The following VGLL4 variants were observed in gnomAD, a reference collection of about 807,000 sequenced individuals.
VGLL4 encodes transcription cofactor vestigial-like protein 4.
A neutral mutation model predicts 21.0 loss-of-function variants in VGLL4; 7 were observed. The observed-to-expected ratio is 0.33, with a 90% CI of 0.19 to 0.63. The LOEUF (loss-of-function observed/expected upper bound fraction) is 0.63, where lower values mean the gene tolerates loss of function less well. VGLL4 is among the 20% of genes least tolerant of loss of function. The pLI, the probability that VGLL4 is intolerant of heterozygous loss-of-function variation, is 0.78. For synonymous variants in VGLL4, 222 were observed against 173.2 expected, an observed-to-expected ratio of 1.28 and a Z score of -2.21; for missense variants, 394 against 425.7, an observed-to-expected ratio of 0.93 and a Z score of 0.66.
chr3:11,692,706 A>G (rs1156418331), intron 2 of VGLL4, among the ~76,000 whole-genome samples: 1 of 149,608 alleles, frequency 6.7e-6, no homozygotes, highest in African/African-American at 2.5e-5. Context: ...CCAAAGGAGG[A>G]AGGAAGACAG....
At chr3:11,706,397 G>A (rs1380131460) in intron 1 of VGLL4, among the ~76,000 whole-genome samples, 1 of 152,194 alleles carries the variant, frequency 6.6e-6, no homozygotes, top group Non-Finnish European at 1.5e-5. Flanking sequence ...ACAGAAGATA[G>A]ATCTCTGCTT....
chr3:11,676,518 T>C (rs2076295112), intron 2 of VGLL4, among the ~76,000 whole-genome samples: 2 of 151,802 alleles, frequency 1.3e-5, no homozygotes. Flanking sequence ...TGAAGTATAA[T>C]ATTTCATCTA....
At chr3:11,628,799 G>C (rs542297568) in intron 1 of VGLL4, among the ~76,000 whole-genome samples, 87 of 152,194 alleles carry the variant, frequency 5.7e-4, no homozygotes, top group Non-Finnish European at 9.6e-4. Context: ...CAGCCTGAGT[G>C]ACAGAGCGAG....
At chr3:11,594,874 G>C (rs555949795) in intron 2 of VGLL4, among the ~76,000 whole-genome samples, 2 of 152,286 alleles carry the variant, frequency 1.3e-5, no homozygotes, top group Middle Eastern at 3.4e-3. Flanking sequence ...TGAAAAACAC[G>C]AAGGCGGCCA....
chr3:11,598,462 T>G (rs962204306), intron 2 of VGLL4, among the ~76,000 whole-genome samples: 16 of 150,140 alleles, frequency 1.1e-4, no homozygotes, highest in African/African-American at 3.7e-4. Context: ...CTACCGAAAC[T>G]ATTTTTTCTT....
intron 2 of VGLL4, among the ~76,000 whole-genome samples, chr3:11,649,963 A>G (rs1376008991): frequency 6.6e-6 from 1 of 151,570 alleles, no homozygotes; most frequent in Non-Finnish European, 1.5e-5. Flanking sequence ...TTTTTGAAAC[A>G]GGGTCTCCCT....
intron 1 of VGLL4, among the ~76,000 whole-genome samples, chr3:11,631,467 G>A (rs1406442746): frequency 2.0e-5 from 3 of 151,962 alleles, no homozygotes; most frequent in African/African-American, 4.8e-5. Flanking sequence ...ACAAAAATAA[G>A]GTTTGATAAG....
In VGLL4 at chr3:11,660,335, T is replaced by C. The variant is rs370942346; in HGVS notation, c.64+42636A>G. 2.2e-4 allele frequency among the ~76,000 whole-genome samples: 33 copies of C among 152,320 alleles called. No individual in the cohort carries two copies. The South Asian group carries it at 6.8e-3, about 32-fold the overall frequency. On this transcript the variant is annotated intron_variant, in intron 2 of 5. Coordinates refer to the VGLL4 transcript ENST00000273038. ...AATGATACAGCCTGACCATTCTCCTTTGATCATACCACTTTTCTCATGGCA... is the reference window on the plus strand; with the variant it reads ...AATGATACAGCCTGACCATTCTCCTCTGATCATACCACTTTTCTCATGGCA...
At chr3:11,585,682 G>T (rs2074346176) in intron 2 of VGLL4, among the ~76,000 whole-genome samples, 1 of 152,206 alleles carries the variant, frequency 6.6e-6, no homozygotes, top group East Asian at 1.9e-4. Context: ...TTTGGGGCAG[G>T]AAATCAAATA....
chr3:11,703,133 C>A lies in VGLL4; in HGVS notation c.-13-86G>T, dbSNP rs181133223. On this transcript the variant is annotated intron_variant, in intron 1 of 5. Transcript: ENST00000273038. ...ATCCTAGTCATTAACAGAATGAGTC[C>A]TCAACCAAATGCAAATCATTCTTCT... is the stretch of plus-strand genomic sequence containing the variant. 9.7e-5 allele frequency: 112 copies of A among 1,149,558 alleles called. No homozygotes were observed. The African/African-American group carries it at 1.4e-3, about 15-fold the overall frequency. 71.2% of individuals were successfully genotyped at this position (1,149,558 alleles called of 1,614,324 possible).
At chr3:11,720,322 CCCGGGCCCCG>C (rs2076977744) in intron 1 of VGLL4, 1 of 152,196 alleles carries the variant, frequency 6.6e-6, no homozygotes, top group Admixed American at 6.6e-5. Context: ...TCCCCCGCCT[CCCGGGCCCCG>C]TCGCCCCCTC....
intron 1 of VGLL4, among the ~76,000 whole-genome samples, chr3:11,712,637 CAA>C (rs1326219340): frequency 6.6e-6 from 1 of 152,078 alleles, no homozygotes; most frequent in Non-Finnish European, 1.5e-5. Context: ...GACTAGAATT[CAA>C]GTCTCTCAAT....
intron 2 of VGLL4, among the ~76,000 whole-genome samples, chr3:11,580,009 C>T (rs1404395412): frequency 1.3e-5 from 2 of 152,186 alleles, no homozygotes; most frequent in African/African-American, 4.8e-5. Flanking sequence ...TTGGTCATCA[C>T]AGTTTTTCAT....
chr3:11,613,698 C>CA (rs2075106192), intron 1 of VGLL4, among the ~76,000 whole-genome samples: 1 of 152,182 alleles, frequency 6.6e-6, no homozygotes, highest in Non-Finnish European at 1.5e-5. Context: ...AGCCTCTATC[C>CA]AACTACCGTG....
upstream of VGLL4, chr3:11,721,785 G>T (rs181728886): frequency 6.6e-6 from 1 of 152,186 alleles, no homozygotes; most frequent in Non-Finnish European, 1.5e-5. Flanking sequence ...AGGATTTGGG[G>T]CAAGTTATCA....
At chr3:11,617,713 G>A (rs1351710795) in intron 1 of VGLL4, among the ~76,000 whole-genome samples, 1 of 152,152 alleles carries the variant, frequency 6.6e-6, no homozygotes, top group Non-Finnish European at 1.5e-5. Flanking sequence ...CGTATAAATT[G>A]AGAAACTATG....
At chr3:11,654,357 G>A (rs1375017456) in intron 2 of VGLL4, among the ~76,000 whole-genome samples, 9 of 152,178 alleles carry the variant, frequency 5.9e-5, no homozygotes, top group East Asian at 1.9e-4. Flanking sequence ...CAGTTCTCGC[G>A]ACAATGCGGA....
In VGLL4 at chr3:11,615,825, GACA is replaced by G. The variant is rs2075151246; in HGVS notation, c.83-13806_83-13804del. 7.2e-5 allele frequency among the ~76,000 whole-genome samples: 11 copies of G among 152,300 alleles called. No individual in the cohort carries two copies. In the South Asian group the frequency reaches 2.3e-3, roughly 32 times the overall value. On this transcript the variant is annotated intron_variant, in intron 1 of 4. Coordinates refer to ENST00000430365, the MANE Select transcript of VGLL4 (RefSeq NM_001128219.3). The stretch of plus-strand genomic sequence containing the variant: ...TACAAAACACATTGAAAGAAAGACA[GACA>G]ATACAATCAGGAGTAGCTTATACTC...
At chr3:11,707,133 TA>T (rs1271804834) in intron 1 of VGLL4, among the ~76,000 whole-genome samples, 2 of 148,554 alleles carry the variant, frequency 1.3e-5, no homozygotes, top group African/African-American at 5.0e-5. Context: ...CTGGGCAACA[TA>T]GTGAGACCCC....
Sources: allele counts gnomAD v4.1 joint callset (sites outside exome capture counted in the v4.1 genomes callset), GRCh38; gene constraint gnomAD v4.1.1; transcripts MANE v1.5; gene names NCBI Gene and HGNC (gene_info 2026-07-23, HGNC 2026-07-21).